The following SKAP2 variants were observed in gnomAD, a reference collection of about 807,000 sequenced individuals.
SKAP2 encodes src kinase associated phosphoprotein 2.
SKAP2 carries 28 observed loss-of-function variants against 54.9 expected under a neutral mutation model. The ratio of observed to expected loss-of-function variants is 0.51; its 90% CI spans 0.38 to 0.70. The LOEUF is 0.70. Ranked by LOEUF, SKAP2 falls within the 30% of genes least tolerant of loss-of-function variation. SKAP2 has a pLI of 0.00. For missense variants in SKAP2, 356 were observed against 424.1 expected (o/e 0.84, Z 1.41); for synonymous variants, 137 against 134.3 (o/e 1.02, Z -0.14).
rs750821744 is a variant in SKAP2 at position 26,667,185 on chromosome 7, T to C, written c.*2481A>G. On this transcript the variant is annotated 3_prime_UTR_variant, in exon 13 of 13. Coordinates refer to ENST00000345317, the MANE Select transcript of SKAP2 (RefSeq NM_003930.5). ...CAGAGCAAATAATCAAGCAAAATGC[T>C]ATATAAAATATGACTTACAATCACC... 6.6e-6 allele frequency: 1 copy of C among 152,142 alleles called. No individual in the cohort carries two copies. Among genetic ancestry groups the C allele is most frequent in the Non-Finnish European group, 1.5e-5 (1 of 68,022 alleles). 9.4% of individuals were successfully genotyped at this position (152,142 alleles called of 1,614,324 possible). A position where few individuals can be genotyped will look rare whatever the true frequency, so the allele number is the denominator to read the frequency against.
intron 10 of SKAP2, among the ~76,000 whole-genome samples, chr7:26,689,936 C>T (rs1279525176): frequency 6.6e-6 from 1 of 152,192 alleles, no homozygotes; most frequent in African/African-American, 2.4e-5. Flanking sequence ...TTGACAGCAA[C>T]TGCATGTTGT....
chr7:26,778,339 GATGACTAA>G (rs1783357789), intron 4 of SKAP2, among the ~76,000 whole-genome samples: 1 of 152,042 alleles, frequency 6.6e-6, no homozygotes, highest in Non-Finnish European at 1.5e-5. Context: ...ATCTCAATTT[GATGACTAA>G]ATGAAATAAT....
intron 4 of SKAP2, among the ~76,000 whole-genome samples, chr7:26,765,936 T>G (rs982315662): frequency 6.6e-6 from 1 of 152,172 alleles, no homozygotes; most frequent in Non-Finnish European, 1.5e-5. Flanking sequence ...TTGTTTAGGA[T>G]TGTCTTAGCT....
At chr7:26,823,101 C>T (rs1784414178) in intron 4 of SKAP2, among the ~76,000 whole-genome samples, 1 of 151,904 alleles carries the variant, frequency 6.6e-6, no homozygotes, top group African/African-American at 2.4e-5. Context: ...AACAAAAGTG[C>T]TACTCCAGTG....
At chr7:26,802,312 C>G (rs1461291862) in intron 4 of SKAP2, among the ~76,000 whole-genome samples, 1 of 143,314 alleles carries the variant, frequency 7.0e-6, no homozygotes. Flanking sequence ...TTCACTCTTG[C>G]CCAGGCTGGA....
At chr7:26,807,351 T>C (rs888976606) in intron 4 of SKAP2, among the ~76,000 whole-genome samples, 5 of 152,140 alleles carry the variant, frequency 3.3e-5, no homozygotes, top group Non-Finnish European at 7.4e-5. Context: ...ATCGGGGAAG[T>C]GGGGGTTCCC....
At chr7:26,731,631 T>C (rs1045924977) in intron 6 of SKAP2, among the ~76,000 whole-genome samples, 1 of 152,196 alleles carries the variant, frequency 6.6e-6, no homozygotes, top group Non-Finnish European at 1.5e-5. Context: ...AAATGTCCTA[T>C]AGGCTCATTG....
At chr7:26,810,621 T>C (rs1004429312) in intron 4 of SKAP2, among the ~76,000 whole-genome samples, 2 of 152,212 alleles carry the variant, frequency 1.3e-5, no homozygotes, top group Non-Finnish European at 2.9e-5. Context: ...GATTTAGCCA[T>C]TCTAAAATGT....
chr7:26,670,886 T>C (rs934407591), intron 11 of SKAP2, among the ~76,000 whole-genome samples: 6 of 152,098 alleles, frequency 3.9e-5, no homozygotes, highest in African/African-American at 1.4e-4. Context: ...TTAAAGGTGC[T>C]GTTAGAGTCA....
chr7:26,777,504 T>C (rs113359707), intron 4 of SKAP2, among the ~76,000 whole-genome samples: 3 of 152,282 alleles, frequency 2.0e-5, no homozygotes, highest in African/African-American at 7.2e-5. Flanking sequence ...TAATCTTCTG[T>C]CAATTTTCTT....
At chr7:26,851,170 T>C (rs976845027) in intron 3 of SKAP2, among the ~76,000 whole-genome samples, 18 of 148,810 alleles carry the variant, frequency 1.2e-4, no homozygotes, top group Non-Finnish European at 2.2e-4. Context: ...CTGTGATCCA[T>C]CACTTTGGGA....
At chr7:26,835,017 C>T (rs1016903274) in intron 4 of SKAP2, among the ~76,000 whole-genome samples, 3 of 152,144 alleles carry the variant, frequency 2.0e-5, no homozygotes, top group African/African-American at 7.2e-5. Flanking sequence ...TGGCTTCGTC[C>T]CTAGGATGCA....
chr7:26,716,419 T>A (rs544992710), intron 9 of SKAP2, among the ~76,000 whole-genome samples: 7 of 152,334 alleles, frequency 4.6e-5, no homozygotes, highest in African/African-American at 1.7e-4. Flanking sequence ...TTAACATAGC[T>A]ATAGTAGCTT....
At chr7:26,714,605 A>G (rs935719011) in intron 9 of SKAP2, among the ~76,000 whole-genome samples, 1 of 152,150 alleles carries the variant, frequency 6.6e-6, no homozygotes, top group Non-Finnish European at 1.5e-5. Context: ...GAACTTGTTC[A>G]TTCTTATTAA....
intron 4 of SKAP2, among the ~76,000 whole-genome samples, chr7:26,751,567 G>A (rs1181326043): frequency 6.6e-6 from 1 of 151,954 alleles, no homozygotes; most frequent in Admixed American, 6.6e-5. Context: ...TCCCTCTTCT[G>A]TCATTCAAAG....
chr7:26,857,407 T>C, intron 1 of SKAP2: 2 of 977,910 alleles, frequency 2.0e-6, no homozygotes, highest in Non-Finnish European at 2.4e-6. Context: ...GGTTGGTTTT[T>C]AAGCTTTTGA....
intron 1 of SKAP2, among the ~76,000 whole-genome samples, chr7:26,861,369 C>A (rs1387587984): frequency 4.6e-5 from 7 of 152,028 alleles, no homozygotes; most frequent in African/African-American, 1.7e-4. Flanking sequence ...CCTGTTTTTC[C>A]ATTGTTGTAG....
chr7:26,857,613 C>G (rs913714044), intron 1 of SKAP2: 3 of 985,278 alleles, frequency 3.0e-6, no homozygotes, highest in African/African-American at 1.7e-5. Context: ...GCGAGATGCT[C>G]CAGCTCTGCC....
At chr7:26,758,744 AT>A (rs1482224113) in intron 4 of SKAP2, among the ~76,000 whole-genome samples, 1 of 152,250 alleles carries the variant, frequency 6.6e-6, no homozygotes, top group Non-Finnish European at 1.5e-5. Context: ...GATAATTCTA[AT>A]TCTTGCTACT....
Sources: gnomAD v4.1 joint callset for allele counts (sites outside exome capture counted in the v4.1 genomes callset) on GRCh38, gnomAD v4.1.1 for gene constraint, MANE v1.5 for transcripts, NCBI Gene and HGNC (gene_info 2026-07-23, HGNC 2026-07-21) for gene names.